Variants in ADORA1 observed in about 807,000 individuals in gnomAD.
The protein encoded by ADORA1 is adenosine A1 receptor, also known as adenosine receptor A1.
In ADORA1, 6 loss-of-function variants were observed where a neutral mutation model predicts 19.9. That is an observed-to-expected ratio of 0.30 (90% CI 0.17 to 0.59). ADORA1 has a LOEUF of 0.59. ADORA1 is among the 20% of genes least tolerant of loss of function. The pLI, the probability that ADORA1 is intolerant of heterozygous loss-of-function variation, is 0.87. For synonymous variants in ADORA1, 194 were observed against 188.4 expected, an observed-to-expected ratio of 1.03 and a Z score of -0.24; for missense variants, 302 against 439.2, an observed-to-expected ratio of 0.69 and a Z score of 2.79.
intron 3 of ADORA1, among the ~76,000 whole-genome samples, chr1:203,145,335 G>A (rs894703966): frequency 6.6e-6 from 1 of 152,250 alleles, no homozygotes; most frequent in Non-Finnish European, 1.5e-5. Context: ...GAAACAGGAT[G>A]CCTGAACTCT....
intron 3 of ADORA1, among the ~76,000 whole-genome samples, chr1:203,161,855 G>A (rs956522557): frequency 4.6e-5 from 7 of 151,912 alleles, no homozygotes; most frequent in African/African-American, 7.3e-5. Flanking sequence ...GATTACAGGC[G>A]TAAGCCACCG....
chr1:203,135,960 C>T (rs1654492488), intron 3 of ADORA1, among the ~76,000 whole-genome samples: 1 of 152,152 alleles, frequency 6.6e-6, no homozygotes. Context: ...CAAGTCTAGT[C>T]CTTATTGCCT....
chr1:203,144,898 G>T (rs1228941337), intron 3 of ADORA1: 1 of 152,212 alleles, frequency 6.6e-6, no homozygotes, highest in Non-Finnish European at 1.5e-5. Context: ...TCAGCTGTGG[G>T]AGAGACACCG....
intron 3 of ADORA1, among the ~76,000 whole-genome samples, chr1:203,131,624 C>T (rs899589740): frequency 6.6e-6 from 1 of 152,226 alleles, no homozygotes; most frequent in Non-Finnish European, 1.5e-5. Flanking sequence ...GACAGCCACA[C>T]ACCAGCAGTG....
rs369556500 is a variant in ADORA1 at position 203,167,002 on chromosome 1, T to C, written c.*1102T>C. On this transcript the variant is annotated 3_prime_UTR_variant, in exon 4 of 4. Transcript: ENST00000337894. ...CATGTGGGGGAAGGCCTTGCTGTCA[T>C]GTGAATCCCTCAATACCCCTAGTAT... 1.3e-5 allele frequency: 2 copies of C among 152,514 alleles called. No individual in the cohort carries two copies. Among genetic ancestry groups the C allele is most frequent in the African/African-American group, 4.8e-5 (2 of 41,434 alleles). 9.4% of individuals were successfully genotyped at this position (152,514 alleles called of 1,614,324 possible). A position where few individuals can be genotyped will look rare whatever the true frequency, so the allele number is the denominator to read the frequency against.
rs200908360 is a variant in ADORA1, at chr1:203,165,853, G to A, written c.934G>A (p.Ala312Thr). The change falls in exon 4 of 4, where the codon GCA becomes ACA. Residue 312 changes from alanine (A) to threonine (T), a missense_variant. By Grantham distance (58) the Ala-to-Thr change is moderately conservative (BLOSUM62 0). Transcript: ENST00000337894. This position sits in a 1 kb window ranked among gnomAD's most constrained non-coding sequence, Gnocchi z 5.9. ...GAATGACCATTTCCGCTGCCAGCCT[G>A]CACCTCCCATTGACGAGGATCTCCC... ...IWNDHFRCQP[A>T]PPIDEDLPEE... 4 of 1,591,604 alleles carry A rather than the reference G, an allele frequency of 2.5e-6. No individual in the cohort carries two copies. The highest frequency in any genetic ancestry group is 3.4e-6 in the Non-Finnish European group (4 of 1,168,104).
chr1:203,132,507 A>T (rs1280963697), intron 3 of ADORA1, among the ~76,000 whole-genome samples: 1 of 152,316 alleles, frequency 6.6e-6, no homozygotes, highest in South Asian at 2.1e-4. Context: ...TTGATAAGTT[A>T]TTCAGCCTCT....
intron 3 of ADORA1, among the ~76,000 whole-genome samples, chr1:203,143,313 C>T (rs1220791722): frequency 1.3e-5 from 2 of 152,196 alleles, no homozygotes; most frequent in Non-Finnish European, 2.9e-5. Context: ...ATAAAGCCAC[C>T]AGTTCCACTG....
At position 203,165,177 on chromosome 1, in the gene ADORA1, C is replaced by T; in HGVS notation, c.342-84C>T. The T allele has an allele frequency of 6.3e-7, 1 of 1,597,416 alleles. No individual in the cohort carries two copies. The highest frequency in any genetic ancestry group is 8.5e-7 in the Non-Finnish European group (1 of 1,172,636). ...AAGAGGAGGGTGCTCCTCTTAGAGG[C>T]CCCTGGAGGCCAGGCGTGCCTCAGA... On this transcript the variant is annotated intron_variant, in intron 3 of 3. Transcript: ENST00000337894. This position sits in a 1 kb window ranked among gnomAD's most constrained non-coding sequence, Gnocchi z 5.9.
intron 3 of ADORA1, among the ~76,000 whole-genome samples, chr1:203,156,236 G>A (rs951946174): frequency 6.6e-6 from 1 of 152,150 alleles, no homozygotes; most frequent in Non-Finnish European, 1.5e-5. Flanking sequence ...GGGGAAGAGA[G>A]GGTGTGAGAG....
intron 3 of ADORA1, among the ~76,000 whole-genome samples, chr1:203,164,640 G>C (rs1384660542): frequency 2.6e-5 from 4 of 152,158 alleles, no homozygotes; most frequent in Non-Finnish European, 5.9e-5. Flanking sequence ...CATGGCAGGG[G>C]AGTATGGGAC....
intron 3 of ADORA1, among the ~76,000 whole-genome samples, chr1:203,144,187 C>G (rs568689217): frequency 4.6e-5 from 7 of 152,168 alleles, no homozygotes; most frequent in Non-Finnish European, 8.8e-5. Flanking sequence ...GACACCTCCC[C>G]CAGGAAGCCT....
At chr1:203,163,354 G>A (rs374128341) in intron 3 of ADORA1, among the ~76,000 whole-genome samples, 95 of 152,318 alleles carry the variant, frequency 6.2e-4, no homozygotes, top group African/African-American at 2.1e-3. Flanking sequence ...CTGGCAGCCC[G>A]AGTTTGGGTC....
At position 203,165,185 on chromosome 1, in the gene ADORA1, G is replaced by A; in HGVS notation, c.342-76G>A. On this transcript the variant is annotated intron_variant, in intron 3 of 3. Coordinates refer to ENST00000337894, the MANE Select transcript of ADORA1 (RefSeq NM_000674.3). This position sits in a 1 kb window ranked among gnomAD's most constrained non-coding sequence, Gnocchi z 5.9. ...GGTGCTCCTCTTAGAGGCCCCTGGA[G>A]GCCAGGCGTGCCTCAGAGGGGCCTT... 1 of 1,600,950 alleles carries A rather than the reference G, an allele frequency of 6.2e-7. No individual in the cohort carries two copies. The highest frequency in any genetic ancestry group is 1.7e-5 in the Admixed American group (1 of 57,670).
At chr1:203,137,206 G>A (rs1208078586) in intron 3 of ADORA1, among the ~76,000 whole-genome samples, 1 of 152,204 alleles carries the variant, frequency 6.6e-6, no homozygotes, top group Non-Finnish European at 1.5e-5. Flanking sequence ...AACACACCAT[G>A]CAGATATAGG....
intron 3 of ADORA1, among the ~76,000 whole-genome samples, chr1:203,154,050 C>A (rs76868233): frequency 0.055 from 8,398 of 152,232 alleles, 322 homozygotes; most frequent in Middle Eastern, 0.085. Flanking sequence ...CCTCTGCCAC[C>A]CCCCGGCCCT....
chr1:203,132,820 C>T (rs1453099100), intron 3 of ADORA1, among the ~76,000 whole-genome samples: 1 of 152,136 alleles, frequency 6.6e-6, no homozygotes, highest in Non-Finnish European at 1.5e-5. Flanking sequence ...ACACTCTAGC[C>T]TGGGCAACAG....
chr1:203,131,741 T>C lies in ADORA1; in HGVS notation c.341+2559T>C, dbSNP rs539522717. Among the ~76,000 whole-genome samples, 9 of 152,330 alleles carry C rather than the reference T, an allele frequency of 5.9e-5. No homozygotes were observed. In the South Asian group the frequency reaches 1.7e-3, roughly 28 times the overall value. On this transcript the variant is annotated intron_variant, in intron 3 of 3. Coordinates refer to ENST00000337894, the MANE Select transcript of ADORA1 (RefSeq NM_000674.3). Reference sequence around the variant, plus strand: ...GATCCTGGCTGAGGTGTTGGGCCATTCTGGGCTCCTGCGTGGCACTGCCCA... The same window carrying C: ...GATCCTGGCTGAGGTGTTGGGCCATCCTGGGCTCCTGCGTGGCACTGCCCA...
chr1:203,129,137 T>C lies in ADORA1; in HGVS notation c.296T>C (p.Leu99Pro). 6.2e-7 allele frequency: 1 copy of C among 1,614,078 alleles called. No homozygotes were observed. Among genetic ancestry groups the C allele is most frequent in the Non-Finnish European group, 8.5e-7 (1 of 1,179,964 alleles). The change falls in exon 3 of 4, where the codon CTG (leucine) becomes CCG (proline). Residue 99 changes from leucine (L) to proline (P), a missense_variant. By Grantham distance (98) the Leu-to-Pro change is moderately conservative. Coordinates refer to ENST00000337894, the MANE Select transcript of ADORA1 (RefSeq NM_000674.3). ...ACCCAGAGCTCCATCCTGGCCCTGC[T>C]GGCAATTGCTGTGGACCGCTACCTC... ...ILTQSSILAL[L>P]AIAVDRYLRV...
Sources: gnomAD v4.1 joint callset for allele counts (sites outside exome capture counted in the v4.1 genomes callset) on GRCh38, gnomAD v4.1.1 for gene constraint, Gnocchi (gnomAD v3.1) non-coding constraint, MANE v1.5 for transcripts, NCBI Gene and HGNC (gene_info 2026-07-23, HGNC 2026-07-21) for gene names.